The following MAP4K4 variants were observed in gnomAD, a reference collection of about 807,000 sequenced individuals.
MAP4K4 encodes the protein mitogen-activated protein kinase kinase kinase kinase 4, also known as HPK/GCK-like kinase HGK.
A neutral mutation model predicts 189.6 loss-of-function variants in MAP4K4; 38 were observed. The ratio of observed to expected loss-of-function variants is 0.20; its 90% CI spans 0.15 to 0.26. MAP4K4 has a LOEUF of 0.26. Among genes scored for constraint, MAP4K4 ranks in the 10% least tolerant of loss-of-function variants. MAP4K4 has a pLI of 1.00. For synonymous variants in MAP4K4, 610 were observed against 624.3 expected (o/e 0.98, Z 0.34); for missense variants, 1,054 against 1,726.9 (o/e 0.61, Z 6.91).
intron 3 of MAP4K4, among the ~76,000 whole-genome samples, chr2:101,810,892 A>G (rs2095378401): frequency 6.6e-6 from 1 of 152,192 alleles, no homozygotes; most frequent in Non-Finnish European, 1.5e-5. Flanking sequence ...GAGTAGAAAC[A>G]CTAGCTGTTG....
intron 32 of MAP4K4, among the ~76,000 whole-genome samples, chr2:101,889,695 A>G (rs1280898798): frequency 1.3e-5 from 2 of 152,214 alleles, no homozygotes; most frequent in African/African-American, 4.8e-5. Context: ...ACCTAAGGCA[A>G]GACACCACGA....
At chr2:101,758,387 C>T (rs2074022195) in intron 2 of MAP4K4, among the ~76,000 whole-genome samples, 1 of 152,142 alleles carries the variant, frequency 6.6e-6, no homozygotes, top group East Asian at 1.9e-4. Context: ...CACCTTTGAA[C>T]AACATGGATT....
chr2:101,860,625 T>G (rs1456460661), intron 15 of MAP4K4, 200 bp from the exon 16 acceptor site: 2 of 501,046 alleles, frequency 4.0e-6, no homozygotes, highest in African/African-American at 3.9e-5. Context: ...AATTTTTATC[T>G]TCATAAATAT....
At chr2:101,783,140 G>A (rs1165158129) in intron 2 of MAP4K4, among the ~76,000 whole-genome samples, 3 of 152,310 alleles carry the variant, frequency 2.0e-5, no homozygotes, top group South Asian at 4.1e-4. Flanking sequence ...GACAGACCAG[G>A]TTTGGCTTAG....
intron 3 of MAP4K4, 116 bp from the exon 4 acceptor site, chr2:101,823,812 T>A (rs1471500868): frequency 4.8e-6 from 4 of 840,838 alleles, no homozygotes; most frequent in Non-Finnish European, 7.2e-6. Flanking sequence ...TATATGTGCC[T>A]CTGCTCCTGG....
chr2:101,879,111 CT>C (rs2098298908), intron 27 of MAP4K4, among the ~76,000 whole-genome samples: 1 of 144,328 alleles, frequency 6.9e-6, no homozygotes, highest in Non-Finnish European at 1.5e-5. Flanking sequence ...AGGAGGATTG[CT>C]TTTGCCTGGG....
In MAP4K4 at chr2:101,887,018, C is replaced by G. The variant is rs1487509433; in HGVS notation, c.3622-70C>G. The stretch of plus-strand genomic sequence containing the variant: ...CCAGCCTGGGTGACAGAGCGAGACT[C>G]CGTCTCAAAAAAAAAAAAAAAAAAA... On this transcript the variant is annotated intron_variant, in intron 29 of 32. Transcript: ENST00000324219. 12 of 1,133,288 alleles carry G rather than the reference C, an allele frequency of 1.1e-5. No homozygotes were observed. In the African/African-American group the frequency reaches 2.2e-4, roughly 21 times the overall value. 70.2% of individuals were successfully genotyped at this position (1,133,288 alleles called of 1,614,324 possible).
intron 2 of MAP4K4, among the ~76,000 whole-genome samples, chr2:101,762,542 C>T (rs1396581044): frequency 3.3e-5 from 5 of 152,188 alleles, no homozygotes; most frequent in Non-Finnish European, 7.3e-5. Flanking sequence ...ACTTTTGATA[C>T]CATCTGCTGA....
intron 10 of MAP4K4, among the ~76,000 whole-genome samples, chr2:101,841,530 G>A (rs995058350): frequency 1.3e-5 from 2 of 151,460 alleles, no homozygotes; most frequent in Admixed American, 6.6e-5. Context: ...GTACAGTGGT[G>A]CGTTCTTGGC....
At chr2:101,740,327 G>T (rs1252205418) in intron 2 of MAP4K4, among the ~76,000 whole-genome samples, 1 of 126,680 alleles carries the variant, frequency 7.9e-6, no homozygotes, top group African/African-American at 5.0e-5. Flanking sequence ...CTAATTTTTT[G>T]TATTTTTAGT....
chr2:101,832,866 C>A (rs960000186), intron 7 of MAP4K4, among the ~76,000 whole-genome samples: 1 of 145,606 alleles, frequency 6.9e-6, no homozygotes, highest in East Asian at 2.2e-4. Context: ...TAATGTTCTA[C>A]CCTCTAGATT....
chr2:101,705,147 C>T (rs1267315584), intron 2 of MAP4K4, among the ~76,000 whole-genome samples: 5 of 152,146 alleles, frequency 3.3e-5, no homozygotes, highest in Admixed American at 3.3e-4. Context: ...ATCTAGATAG[C>T]ATTAGGTATA....
At chr2:101,774,983 C>A (rs1246440561) in intron 2 of MAP4K4, among the ~76,000 whole-genome samples, 1 of 151,806 alleles carries the variant, frequency 6.6e-6, no homozygotes, top group Non-Finnish European at 1.5e-5. Context: ...TTTATCACTT[C>A]CCCCCATTTT....
At chr2:101,843,860 A>G (rs1450632911) in intron 11 of MAP4K4, among the ~76,000 whole-genome samples, 5 of 152,186 alleles carry the variant, frequency 3.3e-5, no homozygotes, top group Non-Finnish European at 1.5e-5. Flanking sequence ...CCTAAATAGA[A>G]ATGTCTTGTC....
intron 3 of MAP4K4, among the ~76,000 whole-genome samples, chr2:101,822,207 A>G (rs918931037): frequency 2.6e-5 from 4 of 152,236 alleles, no homozygotes; most frequent in African/African-American, 9.6e-5. Context: ...ATTATGTACT[A>G]TACATAACTA....
At chr2:101,870,112 A>C in intron 22 of MAP4K4, 183 bp from the exon 23 acceptor site, 1 of 673,576 alleles carries the variant, frequency 1.5e-6, no homozygotes. Flanking sequence ...TTTGCTCAGA[A>C]ACAAATGGCA....
chr2:101,814,416 G>T (rs2095603667), intron 3 of MAP4K4, among the ~76,000 whole-genome samples: 1 of 152,144 alleles, frequency 6.6e-6, no homozygotes, highest in African/African-American at 2.4e-5. Flanking sequence ...TTCCCATGAG[G>T]CTCTTCCAGA....
At chr2:101,769,573 C>A (rs1245287933) in intron 2 of MAP4K4, among the ~76,000 whole-genome samples, 2 of 152,086 alleles carry the variant, frequency 1.3e-5, no homozygotes, top group African/African-American at 4.8e-5. Flanking sequence ...TGATGCTCAT[C>A]CAGAAATGTC....
At chr2:101,706,985 G>C (rs2042651687) in intron 2 of MAP4K4, among the ~76,000 whole-genome samples, 2 of 152,124 alleles carry the variant, frequency 1.3e-5, no homozygotes, top group African/African-American at 2.4e-5. Context: ...TTACCAGACT[G>C]TGTAAGGCAG....
Sources: gnomAD v4.1 joint callset for allele counts (sites outside exome capture counted in the v4.1 genomes callset) on GRCh38, gnomAD v4.1.1 for gene constraint, MANE v1.5 for transcripts, NCBI Gene and HGNC (gene_info 2026-07-23, HGNC 2026-07-21) for gene names.